Variants in KLHL1 observed in about 807,000 individuals in gnomAD.
The protein encoded by KLHL1 is kelch-like protein 1.
In KLHL1, 47 loss-of-function variants were observed where a neutral mutation model predicts 77.7. The observed-to-expected ratio is 0.60, with a 90% CI of 0.48 to 0.77. The LOEUF (loss-of-function observed/expected upper bound fraction) is 0.77, where lower values mean the gene tolerates loss of function less well. KLHL1 is among the 30% of genes least tolerant of loss of function. The pLI is 0.00. For synonymous variants in KLHL1, 360 were observed against 325.2 expected, an observed-to-expected ratio of 1.11 and a Z score of -1.15; for missense variants, 925 against 910.8, an observed-to-expected ratio of 1.02 and a Z score of -0.20.
chr13:69,977,325 A>C (rs1884572992), intron 1 of KLHL1, among the ~76,000 whole-genome samples: 1 of 152,094 alleles, frequency 6.6e-6, no homozygotes, highest in Admixed American at 6.6e-5. Context: ...TAAGCTGGAT[A>C]ATTTCAAGTC....
intron 5 of KLHL1, among the ~76,000 whole-genome samples, chr13:69,879,239 C>CT: frequency 6.6e-6 from 1 of 152,170 alleles, no homozygotes; most frequent in South Asian, 2.1e-4. Context: ...TATGTGATTA[C>CT]TTCAGTAGTA....
chr13:69,758,053 A>G (rs1874847093), intron 7 of KLHL1, among the ~76,000 whole-genome samples: 1 of 151,436 alleles, frequency 6.6e-6, no homozygotes, highest in African/African-American at 2.4e-5. Flanking sequence ...AAAAGTAAAA[A>G]CCTTTATTTT....
At chr13:69,799,305 G>A (rs1003345817) in intron 6 of KLHL1, among the ~76,000 whole-genome samples, 1 of 152,134 alleles carries the variant, frequency 6.6e-6, no homozygotes. Flanking sequence ...TTGAGGTCCA[G>A]TTACCCTCCT....
At chr13:70,096,660 G>T (rs1887797406) in intron 1 of KLHL1, among the ~76,000 whole-genome samples, 1 of 147,434 alleles carries the variant, frequency 6.8e-6, no homozygotes, top group African/African-American at 2.5e-5. Flanking sequence ...TTTTTTTAAA[G>T]AAATCTTAGC....
rs1389973690 is a variant in KLHL1, at chr13:69,839,115, T to C, written c.1275A>G (p.Glu425=). The change falls in exon 6 of 11, where the codon GAA becomes GAG. Residue 425 remains glutamate (E), a synonymous_variant. Transcript: ENST00000377844. ...ENHALFKNDL[E]CQKLILEAMK... ...TTGCTTCTAGAATCAGCTTTTGACA[T>C]TCCAGATCATTCTTAAATAATGCAT... 1 of 1,608,336 alleles carries C rather than the reference T, an allele frequency of 6.2e-7. No individual in the cohort carries two copies. Among genetic ancestry groups the C allele is most frequent in the East Asian group, 2.2e-5 (1 of 44,638 alleles).
Position 70,086,572 on chromosome 13 carries a change from C to CAA in KLHL1, c.497+20629_497+20630dup, listed in dbSNP as rs1211467536. ...TGGGTGACAGAGGGAAGCTCTGTCTCAAAAAAAAAAAAAAAAAAAAAGAAA... is the reference window on the plus strand; with the variant it reads ...TGGGTGACAGAGGGAAGCTCTGTCTCAAAAAAAAAAAAAAAAAAAAAAAGAAA... On this transcript the variant is annotated intron_variant, in intron 1 of 10. Coordinates refer to ENST00000377844, the MANE Select transcript of KLHL1 (RefSeq NM_020866.3). 2.4e-4 allele frequency among the ~76,000 whole-genome samples: 9 copies of CAA among 36,738 alleles called. 1 individual carries two copies. The highest frequency in any genetic ancestry group is 5.7e-4 in the African/African-American group (6 of 10,536). 24.1% of individuals were successfully genotyped at this position (36,738 alleles called of 152,430 possible).
chr13:69,838,010 C>T (rs1477939526), intron 6 of KLHL1, among the ~76,000 whole-genome samples: 3 of 151,548 alleles, frequency 2.0e-5, no homozygotes, highest in African/African-American at 7.3e-5. Context: ...AGGAATTGCT[C>T]TTTTCCAAAA....
intron 5 of KLHL1, among the ~76,000 whole-genome samples, chr13:69,869,981 A>T (rs1187317064): frequency 1.3e-5 from 2 of 152,158 alleles, no homozygotes; most frequent in African/African-American, 4.8e-5. Flanking sequence ...AGAGTTCTGC[A>T]GGGTGTTTTG....
rs1467030139 is a variant in KLHL1 at position 69,882,331 on chromosome 13, G to A, written c.1179C>T (p.Asp393=). Residue 393 remains aspartate, a synonymous_variant, in exon 5 of 11, where the codon GAC becomes GAT. Transcript: ENST00000377844. ...TTATAAAGGCAAGAAGCATGCTCAG[G>A]TCATTGCATCTACTCTGCATGTCAT... The part of the protein sequence containing the change: ...VKYDMQSRCN[D]LSMLLAFIRL... 1 of 1,613,948 alleles carries A rather than the reference G, an allele frequency of 6.2e-7. No homozygotes were observed. Among genetic ancestry groups the A allele is most frequent in the Non-Finnish European group, 8.5e-7 (1 of 1,179,856 alleles).
At chr13:69,932,680 T>TTG (rs555549719) in intron 4 of KLHL1, among the ~76,000 whole-genome samples, 95 of 151,490 alleles carry the variant, frequency 6.3e-4, no homozygotes, top group Middle Eastern at 3.4e-3. Flanking sequence ...TATATTGTGC[T>TTG]TGTGTGTGTG....
chr13:69,740,650 C>CA, intron 7 of KLHL1, 94 bp from the exon 8 acceptor site: 1 of 819,496 alleles, frequency 1.2e-6, no homozygotes, highest in Non-Finnish European at 1.8e-6. Context: ...TGTTAAGTGT[C>CA]CCTAACATAA....
chr13:69,753,794 C>A (rs1003537462), intron 7 of KLHL1, among the ~76,000 whole-genome samples: 10 of 151,930 alleles, frequency 6.6e-5, no homozygotes, highest in Non-Finnish European at 1.5e-5. Flanking sequence ...CCAATATTAG[C>A]ATCTTGACAT....
intron 5 of KLHL1, among the ~76,000 whole-genome samples, chr13:69,865,587 G>T (rs1193602428): frequency 6.6e-6 from 1 of 152,016 alleles, no homozygotes; most frequent in Admixed American, 6.6e-5. Flanking sequence ...CAGGAGTTTG[G>T]CAATTTACAT....
intron 1 of KLHL1, among the ~76,000 whole-genome samples, chr13:70,024,605 G>A (rs569154237): frequency 2.9e-4 from 26 of 90,512 alleles, no homozygotes; most frequent in Non-Finnish European, 6.0e-4. Context: ...CTGGTTAGGG[G>A]TGAGGAGAAA....
intron 6 of KLHL1, among the ~76,000 whole-genome samples, chr13:69,799,316 C>G (rs1034367204): frequency 6.6e-6 from 1 of 152,180 alleles, no homozygotes; most frequent in Non-Finnish European, 1.5e-5. Flanking sequence ...TTACCCTCCT[C>G]AGAGGAAATA....
intron 4 of KLHL1, among the ~76,000 whole-genome samples, chr13:69,916,865 C>A (rs1370124257): frequency 6.6e-6 from 1 of 150,942 alleles, no homozygotes; most frequent in Non-Finnish European, 1.5e-5. Context: ...TATTAAAAAA[C>A]AAAGAATCTT....
intron 1 of KLHL1, among the ~76,000 whole-genome samples, chr13:69,977,352 A>G (rs1272523325): frequency 1.3e-5 from 2 of 152,126 alleles, no homozygotes; most frequent in Non-Finnish European, 2.9e-5. Flanking sequence ...AAAAAATCAA[A>G]TGGAAACAAA....
rs951788285 is a variant in KLHL1, at chr13:69,922,079, C to T, written c.1014+17961G>A. On this transcript the variant is annotated intron_variant, in intron 4 of 10. Transcript: ENST00000377844. ...GAGTAGCTGGGACTAAACGTGCACA[C>T]GACAGTGCCTGGCTAAGTTTTAAAA... Among the ~76,000 whole-genome samples, 13 of 151,802 alleles carry T rather than the reference C, an allele frequency of 8.6e-5. 1 individual carries two copies. Among genetic ancestry groups the T allele is most frequent in the Admixed American group, 6.6e-4 (10 of 15,224 alleles).
At chr13:70,088,212 A>AAAC (rs769282955) in intron 1 of KLHL1, among the ~76,000 whole-genome samples, 52 of 152,238 alleles carry the variant, frequency 3.4e-4, no homozygotes, top group South Asian at 1.5e-3. Context: ...TTGTATTATA[A>AAAC]AACAACAACA....
Sources: allele counts gnomAD v4.1 joint callset (sites outside exome capture counted in the v4.1 genomes callset), GRCh38; gene constraint gnomAD v4.1.1; transcripts MANE v1.5; gene names NCBI Gene and HGNC (gene_info 2026-07-23, HGNC 2026-07-21).